ENPP1: variants seen among roughly 807,000 people sequenced by gnomAD.
ENPP1 encodes the protein ectonucleotide pyrophosphatase/phosphodiesterase family member 1.
A neutral mutation model predicts 122.8 loss-of-function variants in ENPP1; 73 were observed. That is an observed-to-expected ratio of 0.59 (90% CI 0.49 to 0.72). The LOEUF (loss-of-function observed/expected upper bound fraction) is 0.72. Ranked by LOEUF, ENPP1 falls within the 30% of genes least tolerant of loss-of-function variation. The pLI is 0.00. For synonymous variants in ENPP1, 367 were observed against 391.6 expected (o/e 0.94, Z 0.74); for missense variants, 978 against 1,128.1 (o/e 0.87, Z 1.91).
At position 131,869,389 on chromosome 6, in the gene ENPP1, A is replaced by G. The variant is rs745799188; in HGVS notation, c.1305A>G (p.Ile435Met). ...GMEQGSCKKY[I>M]YLNKYLGDVK... ...AACAAGGCAGTTGTAAGAAATACAT[A>G]TATCTGAATAAATATTTGGGGGATG... The change falls in exon 13 of 25, where the codon ATA (isoleucine) becomes ATG (methionine). Residue 435 changes from isoleucine to methionine, a missense_variant. Physicochemically the swap from Ile to Met is conservative, Grantham distance 10. Around this residue, in one of 3 missense-constraint regions of ENPP1, gnomAD observed 644 missense variants for 781.5 expected, o/e 0.82. Transcript: ENST00000647893. 5.6e-6 allele frequency: 9 copies of G among 1,613,232 alleles called. No homozygotes were observed. The African/African-American group carries it at 6.7e-5, about 12-fold the overall frequency.
rs939643325 is a variant in ENPP1 at position 131,852,184 on chromosome 6, G to A, written c.566G>A (p.Ser189Asn). The change falls in exon 5 of 25, where the codon AGT becomes AAT. Residue 189 changes from serine to asparagine, a missense_variant. Physicochemically the swap from Ser to Asn is conservative, Grantham distance 46. Around this residue, in one of 3 missense-constraint regions of ENPP1, gnomAD observed 330 missense variants for 328.5 expected, o/e 1.00. Transcript: ENST00000647893. ...CTTGAAAATATTTTAGGTGAGAAAA[G>A]TTGGGTAGAAGAACCATGTGAGAGC... ...NYSSVCQGEK[S>N]WVEEPCESIN... 22 of 1,602,388 alleles carry A rather than the reference G, an allele frequency of 1.4e-5. No individual in the cohort carries two copies. The highest frequency in any genetic ancestry group is 1.8e-5 in the Non-Finnish European group (21 of 1,171,672).
At chr6:131,882,031 T>TAATAAATAAATA (rs10595693) in intron 20 of ENPP1, among the ~76,000 whole-genome samples, 1 of 144,514 alleles carries the variant, frequency 6.9e-6, no homozygotes, top group Non-Finnish European at 1.5e-5. Context: ...AAAATAATAA[T>TAATAAATAAATA]AATAAATAAA....
chr6:131,881,642 G>A (rs936311032), intron 20 of ENPP1, among the ~76,000 whole-genome samples: 2 of 152,098 alleles, frequency 1.3e-5, no homozygotes, highest in Non-Finnish European at 2.9e-5. Flanking sequence ...CCAACACTTT[G>A]GGGGGCTGAG....
At chr6:131,844,279 A>C (rs1349914614) in intron 1 of ENPP1, among the ~76,000 whole-genome samples, 1 of 152,234 alleles carries the variant, frequency 6.6e-6, no homozygotes, top group Non-Finnish European at 1.5e-5. Flanking sequence ...CCAGCTCCCA[A>C]CAACATAGTT....
chr6:131,858,026 C>A lies in ENPP1; in HGVS notation c.716-642C>A, dbSNP rs1344164912. On this transcript the variant is annotated intron_variant, in intron 6 of 24. Coordinates refer to ENST00000647893, the MANE Select transcript of ENPP1 (RefSeq NM_006208.3). Reference sequence around the variant, plus strand: ...AGGCAGTGAGATATATAGACACATGCCAATTTGAGGGACTTTTTTAGGCAA... The same window carrying A: ...AGGCAGTGAGATATATAGACACATGACAATTTGAGGGACTTTTTTAGGCAA... 2.0e-5 allele frequency among the ~76,000 whole-genome samples: 3 copies of A among 152,082 alleles called. No individual in the cohort carries two copies. In the East Asian group the frequency reaches 5.8e-4, roughly 29 times the overall value.
At chr6:131,812,396 C>T (rs953687735) in intron 1 of ENPP1, among the ~76,000 whole-genome samples, 8 of 152,194 alleles carry the variant, frequency 5.3e-5, no homozygotes, top group African/African-American at 1.7e-4. Context: ...GCCCTTCTAA[C>T]GTGGCTAGGA....
chr6:131,873,027 G>C lies in ENPP1; in HGVS notation c.1542G>C (p.Leu514Phe), dbSNP rs1358481532. 6.2e-7 allele frequency: 1 copy of C among 1,613,576 alleles called. No individual in the cohort carries two copies. Among genetic ancestry groups the C allele is most frequent in the Non-Finnish European group, 8.5e-7 (1 of 1,179,728 alleles). The change falls in exon 15 of 25, where the codon TTG becomes TTC. Residue 514 changes from leucine (L) to phenylalanine (F), a missense_variant. Physicochemically the swap from Leu to Phe is conservative, Grantham distance 22. Coordinates refer to ENST00000647893, the MANE Select transcript of ENPP1 (RefSeq NM_006208.3). The part of the protein sequence containing the change: ...SDRIEPLTFY[L>F]DPQWQLALNP... The stretch of plus-strand genomic sequence containing the variant: ...GAATTGAGCCCTTGACATTCTATTT[G>C]GACCCTCAGTGGCAACTTGCATTGT...
chr6:131,845,042 GGTTTT>G (rs1781788992), intron 1 of ENPP1, among the ~76,000 whole-genome samples: 1 of 119,082 alleles, frequency 8.4e-6, no homozygotes, highest in African/African-American at 3.7e-5. Context: ...AATTCTTCAT[GGTTTT>G]TTTTTTTTTT....
At chr6:131,839,866 C>T (rs1781719609) in intron 1 of ENPP1, among the ~76,000 whole-genome samples, 1 of 152,036 alleles carries the variant, frequency 6.6e-6, no homozygotes, top group Non-Finnish European at 1.5e-5. Flanking sequence ...ATACAGAAGG[C>T]TGTATAACAG....
intron 20 of ENPP1, among the ~76,000 whole-genome samples, chr6:131,880,615 G>A (rs189918875): frequency 6.6e-6 from 1 of 150,886 alleles, no homozygotes; most frequent in South Asian, 2.1e-4. Context: ...TTTCCTCCCC[G>A]ACCCCAGTTT....
At chr6:131,887,633 A>T (rs1370924135) in intron 24 of ENPP1, among the ~76,000 whole-genome samples, 3 of 128,172 alleles carry the variant, frequency 2.3e-5, no homozygotes, top group Non-Finnish European at 4.8e-5. Context: ...ATCTCGGCTC[A>T]CTGCAAGCTC....
Position 131,816,489 on chromosome 6 carries a change from A to G in ENPP1, c.240+8214A>G, listed in dbSNP as rs146904999. ...AACCTGATACTCAGAATTCTGACCCAGCTCGAAAATCCCTTGTCATCGGAT... is the reference window on the plus strand; with the variant it reads ...AACCTGATACTCAGAATTCTGACCCGGCTCGAAAATCCCTTGTCATCGGAT... On this transcript the variant is annotated intron_variant, in intron 1 of 24. Transcript: ENST00000647893. Among the ~76,000 whole-genome samples the G allele has an allele frequency of 2.7e-3, 406 of 152,338 alleles. 3 individuals carry two copies. Among genetic ancestry groups the G allele is most frequent in the Admixed American group, 5.1e-3 (78 of 15,306 alleles).
At chr6:131,833,384 GA>G (rs1227919085) in intron 1 of ENPP1, among the ~76,000 whole-genome samples, 1 of 151,738 alleles carries the variant, frequency 6.6e-6, no homozygotes, top group African/African-American at 2.4e-5. Context: ...TTAAAAATTG[GA>G]TTTTTTTTCT....
rs374878638 is a variant in ENPP1 at position 131,880,575 on chromosome 6, A to AAAAG, written c.2100+557_2100+560dup. Among the ~76,000 whole-genome samples, 902 of 151,698 alleles carry AAAAG rather than the reference A, an allele frequency of 5.9e-3. 13 individuals are homozygous for AAAAG. In the Middle Eastern group the frequency reaches 0.062, roughly 10 times the overall value. ...GAGTGAGACTCCATCTCAAAAAAAA[A>AAAAG]AAAGAAAGAAAGAAAGAAAAGAATT... On this transcript the variant is annotated intron_variant, in intron 20 of 24. Transcript: ENST00000647893.
intron 1 of ENPP1, among the ~76,000 whole-genome samples, chr6:131,810,271 C>A (rs917043151): frequency 1.3e-5 from 2 of 152,158 alleles, no homozygotes; most frequent in African/African-American, 4.8e-5. Flanking sequence ...ATGGGAGGTT[C>A]AGCTGAGCCA....
chr6:131,885,393 A>G (rs1417602858), intron 23 of ENPP1, among the ~76,000 whole-genome samples: 8 of 152,228 alleles, frequency 5.3e-5, no homozygotes, highest in African/African-American at 1.7e-4. Context: ...TGTGAGTCAG[A>G]AGATGAAGAA....
Position 131,890,746 on chromosome 6 carries a change from G to T in ENPP1, c.*235G>T. ...GCATTGTATACATTGATCAAGTTCGGGGGAATAAAGACAGACCACACCTAA... is the reference window on the plus strand; with the variant it reads ...GCATTGTATACATTGATCAAGTTCGTGGGAATAAAGACAGACCACACCTAA... On this transcript the variant is annotated 3_prime_UTR_variant, in exon 25 of 25. Coordinates refer to ENST00000647893, the MANE Select transcript of ENPP1 (RefSeq NM_006208.3). 1 of 534,534 alleles carries T rather than the reference G, an allele frequency of 1.9e-6. No homozygotes were observed. Among genetic ancestry groups the T allele is most frequent in the Non-Finnish European group, 3.4e-6 (1 of 298,250 alleles). 33.1% of individuals were successfully genotyped at this position (534,534 alleles called of 1,614,324 possible). A position where few individuals can be genotyped will look rare whatever the true frequency, so the allele number is the denominator to read the frequency against.
chr6:131,835,758 C>G (rs953296954), intron 1 of ENPP1, among the ~76,000 whole-genome samples: 2 of 152,036 alleles, frequency 1.3e-5, no homozygotes, highest in African/African-American at 4.8e-5. Context: ...TGTTGTTCCC[C>G]CCTCATGTGT....
chr6:131,827,145 A>G (rs1781556093), intron 1 of ENPP1: 3 of 726,728 alleles, frequency 4.1e-6, no homozygotes, highest in Non-Finnish European at 5.2e-6. Flanking sequence ...GCATAAAAAG[A>G]TGCAGTTCTA....
Sources: gnomAD v4.1 joint callset for allele counts (sites outside exome capture counted in the v4.1 genomes callset) on GRCh38, gnomAD v4.1.1 for gene constraint, gnomAD v4.1.1 regional missense constraint, MANE v1.5 for transcripts, NCBI Gene and HGNC (gene_info 2026-07-23, HGNC 2026-07-21) for gene names.